DPP6: variants seen among roughly 807,000 people sequenced by gnomAD.
DPP6 encodes A-type potassium channel modulatory protein DPP6.
DPP6 carries 69 observed loss-of-function variants against 122.6 expected under a neutral mutation model. The observed-to-expected ratio is 0.56, with a 90% CI of 0.46 to 0.69. The LOEUF is 0.69. Among genes scored for constraint, DPP6 ranks in the 30% least tolerant of loss-of-function variants. DPP6 has a pLI of 0.00. For synonymous variants in DPP6, 418 were observed against 433.1 expected (o/e 0.97, Z 0.43); for missense variants, 928 against 1,116.9 (o/e 0.83, Z 2.41).
intron 1 of DPP6, among the ~76,000 whole-genome samples, chr7:153,907,440 G>A (rs1799897593): frequency 6.6e-6 from 1 of 152,226 alleles, no homozygotes; most frequent in Non-Finnish European, 1.5e-5. Flanking sequence ...TATTGGTAAA[G>A]GGAATTTGAA....
chr7:154,113,357 T>C (rs1321819086), intron 1 of DPP6, among the ~76,000 whole-genome samples: 2 of 151,880 alleles, frequency 1.3e-5, no homozygotes, highest in African/African-American at 4.8e-5. Context: ...ACAAGGATTC[T>C]GATTTCTACA....
chr7:154,061,566 A>G (rs1326492777), intron 1 of DPP6, among the ~76,000 whole-genome samples: 14 of 146,282 alleles, frequency 9.6e-5, no homozygotes, highest in Admixed American at 8.7e-4. Context: ...CCATTTTGTG[A>G]TGGCTGAGAT....
intron 21 of DPP6, among the ~76,000 whole-genome samples, chr7:154,881,420 TG>T (rs1309728583): frequency 6.6e-6 from 1 of 152,230 alleles, no homozygotes; most frequent in Non-Finnish European, 1.5e-5. Flanking sequence ...GGCTGTAGCC[TG>T]GGACAGCTCA....
chr7:154,889,075 GAC>G (rs1563331686), intron 23 of DPP6, among the ~76,000 whole-genome samples, 195 bp from the exon 24 acceptor site: 1 of 152,172 alleles, frequency 6.6e-6, no homozygotes, highest in East Asian at 1.9e-4. Flanking sequence ...TTTGGGTGGG[GAC>G]ACAGAGTCAA....
At position 154,513,190 on chromosome 7, in the gene DPP6, G is replaced by A. The variant is rs888641732; in HGVS notation, c.458-27342G>A. Among the ~76,000 whole-genome samples, 6 of 152,150 alleles carry A rather than the reference G, an allele frequency of 3.9e-5. No homozygotes were observed. In the South Asian group the frequency reaches 1.2e-3, roughly 32 times the overall value. On this transcript the variant is annotated intron_variant, in intron 3 of 25. Coordinates refer to ENST00000377770, the MANE Select transcript of DPP6 (RefSeq NM_130797.4). Reference sequence around the variant, plus strand: ...TATAGGGCCATTTTTGCTGGGAATGGAATGATTTTCCATATCTTCTATTCC... The same window carrying A: ...TATAGGGCCATTTTTGCTGGGAATGAAATGATTTTCCATATCTTCTATTCC...
At chr7:154,870,467 G>A (rs1231057079) in intron 18 of DPP6, among the ~76,000 whole-genome samples, 2 of 151,704 alleles carry the variant, frequency 1.3e-5, no homozygotes, top group African/African-American at 2.4e-5. Context: ...TTAGCCAGGC[G>A]TGATGGCATG....
At chr7:154,782,012 T>C (rs914885860) in intron 10 of DPP6, among the ~76,000 whole-genome samples, 1 of 152,248 alleles carries the variant, frequency 6.6e-6, no homozygotes, top group Non-Finnish European at 1.5e-5. Context: ...ACCTTTGGCC[T>C]AGGACTCATG....
chr7:154,016,205 G>T (rs1210258993), intron 1 of DPP6, among the ~76,000 whole-genome samples: 1 of 151,974 alleles, frequency 6.6e-6, no homozygotes, highest in Non-Finnish European at 1.5e-5. Context: ...TCTTTGTCTT[G>T]TTTTATCTTC....
At chr7:154,834,328 T>TAAA (rs1800866244) in intron 16 of DPP6, among the ~76,000 whole-genome samples, 1 of 64,630 alleles carries the variant, frequency 1.5e-5, no homozygotes, top group Non-Finnish European at 3.8e-5. Flanking sequence ...AAAAAAAAAT[T>TAAA]AGCCAGTTGT....
At chr7:154,047,759 T>G (rs1207649974), upstream of DPP6, among the ~76,000 whole-genome samples, 1 of 152,200 alleles carries the variant, frequency 6.6e-6, no homozygotes, top group Non-Finnish European at 1.5e-5. Flanking sequence ...ATTCTACGTA[T>G]AGCCTACAGA....
rs191773390 is a variant in DPP6 at position 154,207,064 on chromosome 7, C to T, written c.243+154001C>T. 3.8e-3 allele frequency among the ~76,000 whole-genome samples: 572 copies of T among 152,202 alleles called. 16 individuals carry two copies. Among genetic ancestry groups the T allele is most frequent in the Non-Finnish European group, 5.0e-4 (34 of 68,012 alleles). ...TGGAGACACAAAAGTGGGGCCTTTG[C>T]GTATCCAGATTCGAAGAATTTGATG... On this transcript the variant is annotated intron_variant, in intron 1 of 25. Transcript: ENST00000377770.
At chr7:154,341,369 A>T (rs1482054344) in intron 1 of DPP6, among the ~76,000 whole-genome samples, 3 of 152,042 alleles carry the variant, frequency 2.0e-5, no homozygotes, top group Non-Finnish European at 4.4e-5. Flanking sequence ...GGACTCAGGG[A>T]AATACATAAT....
Position 154,399,260 on chromosome 7 carries a change from T to C in DPP6, c.244-46954T>C, listed in dbSNP as rs189609358. Among the ~76,000 whole-genome samples, 4 of 152,316 alleles carry C rather than the reference T, an allele frequency of 2.6e-5. No homozygotes were observed. The East Asian group carries it at 7.7e-4, about 29-fold the overall frequency. On this transcript the variant is annotated intron_variant, in intron 1 of 25. Transcript: ENST00000377770. Reference sequence around the variant, plus strand: ...TTTGCTTCCCAGGTAACCGTGATCTTTGTGACCTATTACTGATTTCGTTTA... The same window carrying C: ...TTTGCTTCCCAGGTAACCGTGATCTCTGTGACCTATTACTGATTTCGTTTA...
At chr7:154,401,371 C>A (rs1361413245) in intron 1 of DPP6, among the ~76,000 whole-genome samples, 1 of 152,124 alleles carries the variant, frequency 6.6e-6, no homozygotes, top group Non-Finnish European at 1.5e-5. Context: ...CACCCAGAAT[C>A]CCGTGGCTTA....
At chr7:154,265,193 GTGA>G (rs1803340323) in intron 1 of DPP6, among the ~76,000 whole-genome samples, 1 of 151,770 alleles carries the variant, frequency 6.6e-6, no homozygotes, top group Admixed American at 6.6e-5. Context: ...GATAGTGATA[GTGA>G]TGATGGTGTT....
chr7:154,684,173 A>G (rs1413058656), intron 7 of DPP6, among the ~76,000 whole-genome samples: 4 of 152,080 alleles, frequency 2.6e-5, no homozygotes, highest in East Asian at 3.9e-4. Flanking sequence ...CCAGCCCAGG[A>G]CACACTCTTA....
chr7:154,496,934 C>A (rs1200117683), intron 3 of DPP6, among the ~76,000 whole-genome samples: 1 of 152,062 alleles, frequency 6.6e-6, no homozygotes, highest in Admixed American at 6.6e-5. Flanking sequence ...AAATTTACTC[C>A]CATCTTTAAG....
intron 1 of DPP6, among the ~76,000 whole-genome samples, chr7:154,208,905 C>T (rs1799593048): frequency 6.6e-6 from 1 of 152,062 alleles, no homozygotes; most frequent in Non-Finnish European, 1.5e-5. Context: ...TCTTTCCTTG[C>T]CTAAATAATT....
chr7:154,324,867 A>ATTTTT (rs143944650), intron 1 of DPP6, among the ~76,000 whole-genome samples: 23,225 of 112,886 alleles, frequency 0.21, 3,304 homozygotes, highest in Non-Finnish European at 0.24. Context: ...TCCTTTTGTT[A>ATTTTT]TTTTTTTTTT....
Sources: allele counts gnomAD v4.1 joint callset (sites outside exome capture counted in the v4.1 genomes callset), GRCh38; gene constraint gnomAD v4.1.1; transcripts MANE v1.5; gene names NCBI Gene and HGNC (gene_info 2026-07-23, HGNC 2026-07-21).